Variants in FGF9 observed in about 807,000 individuals in gnomAD.
FGF9 encodes fibroblast growth factor 9 (glia-activating factor).
Under a neutral mutation model 19.9 loss-of-function variants are expected in FGF9, and 3 were observed. The observed-to-expected ratio is 0.15, with a 90% CI of 0.07 to 0.39. FGF9 has a LOEUF of 0.39. Ranked by LOEUF, FGF9 falls within the 10% of genes least tolerant of loss-of-function variation. The pLI is 1.00. For synonymous variants in FGF9, 107 were observed against 106.9 expected (o/e 1.00, Z -0.01); for missense variants, 175 against 256.8 (o/e 0.68, Z 2.18).
intron 1 of FGF9, among the ~76,000 whole-genome samples, chr13:21,678,026 GTTC>G (rs939814274): frequency 1.3e-5 from 2 of 152,124 alleles, no homozygotes; most frequent in African/African-American, 4.8e-5. Flanking sequence ...CTGTTTACGT[GTTC>G]TTCTTCCCAA....
In FGF9 at chr13:21,691,725, G is replaced by A. The variant is rs1165119706; in HGVS notation, c.382-9465G>A. Among the ~76,000 whole-genome samples the A allele has an allele frequency of 2.6e-5, 4 of 152,250 alleles. No homozygotes were observed. The highest frequency in any genetic ancestry group is 3.4e-3 in the Middle Eastern group (1 of 292). On this transcript the variant is annotated intron_variant, in intron 2 of 2. Transcript: ENST00000382353. The surrounding 1 kb of genome is among the most constrained non-coding windows in gnomAD (Gnocchi z 4.2). ...GTGGCCTGGTCGCCTCACCCCTCCC[G>A]ACTCCCCCTCACCAGGGACTGACTT...
At chr13:21,677,157 A>G (rs1297854961) in intron 1 of FGF9, among the ~76,000 whole-genome samples, 1 of 152,118 alleles carries the variant, frequency 6.6e-6, no homozygotes. Flanking sequence ...TGTGCTTCCC[A>G]TGTCACCCTA....
chr13:21,703,713 T>C lies in FGF9; in HGVS notation c.*2278T>C, dbSNP rs1402453824. On this transcript the variant is annotated 3_prime_UTR_variant, in exon 3 of 3. Coordinates refer to ENST00000382353, the MANE Select transcript of FGF9 (RefSeq NM_002010.3). ...TTTCTAGGATGTCATAGGTATACTA[T>C]GTAGCACTGAAAAAATTGATTTTAG... The C allele has an allele frequency of 6.6e-6, 1 of 152,128 alleles. No homozygotes were observed. Among genetic ancestry groups the C allele is most frequent in the Non-Finnish European group, 1.5e-5 (1 of 68,022 alleles). The allele number at this position is 152,128 out of a possible 1,614,324, so 9.4% of individuals were successfully genotyped here.
At chr13:21,692,413 A>C (rs1327791764) in intron 2 of FGF9, among the ~76,000 whole-genome samples, 1 of 151,174 alleles carries the variant, frequency 6.6e-6, no homozygotes, top group Non-Finnish European at 1.5e-5. Flanking sequence ...CTGCGTTTTG[A>C]TGGGAGACTC....
chr13:21,676,530 A>T (rs538518103), intron 1 of FGF9, among the ~76,000 whole-genome samples: 2 of 152,196 alleles, frequency 1.3e-5, no homozygotes, highest in Admixed American at 6.5e-5. Flanking sequence ...GTCATTTCCT[A>T]TATAAACTCT....
At chr13:21,674,484 C>T (rs1317154886) in intron 1 of FGF9, among the ~76,000 whole-genome samples, 1 of 149,094 alleles carries the variant, frequency 6.7e-6, no homozygotes, top group Non-Finnish European at 1.5e-5. Flanking sequence ...TCCGCTCCGG[C>T]TTCACAACCG....
intron 2 of FGF9, among the ~76,000 whole-genome samples, chr13:21,695,119 A>T (rs1268887866): frequency 2.0e-5 from 3 of 151,210 alleles, no homozygotes; most frequent in African/African-American, 7.3e-5. Context: ...TGTGTGTGAG[A>T]GAGACTAGAT....
intron 2 of FGF9, among the ~76,000 whole-genome samples, chr13:21,683,368 C>A (rs991443581): frequency 6.6e-6 from 1 of 152,156 alleles, no homozygotes. Flanking sequence ...TGTAGACCCA[C>A]GGAGTGCCAG....
intron 2 of FGF9, among the ~76,000 whole-genome samples, chr13:21,684,403 G>GC (rs1872111734): frequency 6.6e-6 from 1 of 152,078 alleles, no homozygotes; most frequent in Non-Finnish European, 1.5e-5. Context: ...ACGCTCATTG[G>GC]GTTGAACTGA....
chr13:21,699,128 A>G (rs1350393369), intron 2 of FGF9, among the ~76,000 whole-genome samples: 1 of 152,212 alleles, frequency 6.6e-6, no homozygotes, highest in Non-Finnish European at 1.5e-5. Context: ...GGGTTGCCCC[A>G]GAAGAGCACC....
At position 21,671,734 on chromosome 13, in the gene FGF9, A is replaced by T. The variant is rs1871771119; in HGVS notation, c.-179A>T. 1.4e-6 allele frequency: 1 copy of T among 691,366 alleles called. No individual in the cohort carries two copies. The highest frequency in any genetic ancestry group is 1.8e-5 in the African/African-American group (1 of 56,054). 42.8% of individuals were successfully genotyped at this position (691,366 alleles called of 1,614,324 possible). On this transcript the variant is annotated 5_prime_UTR_variant, in exon 1 of 3. Coordinates refer to ENST00000382353, the MANE Select transcript of FGF9 (RefSeq NM_002010.3). The stretch of plus-strand genomic sequence containing the variant: ...AGTGGTTTGACCTTGAACCTGTGCC[A>T]GTGAAACAGCAGATTACTTTTATTT...
At chr13:21,677,801 G>A (rs894422448) in intron 1 of FGF9, among the ~76,000 whole-genome samples, 7 of 152,218 alleles carry the variant, frequency 4.6e-5, no homozygotes, top group Non-Finnish European at 1.5e-5. Context: ...GGAGAAATGG[G>A]TGGTGGTTTG....
At chr13:21,687,587 G>C (rs1008389132) in intron 2 of FGF9, among the ~76,000 whole-genome samples, 1 of 152,214 alleles carries the variant, frequency 6.6e-6, no homozygotes, top group Non-Finnish European at 1.5e-5. Flanking sequence ...GGCGCTTGGT[G>C]CAGCTTCCTG....
chr13:21,700,916 A>G (rs1872523938), intron 2 of FGF9, among the ~76,000 whole-genome samples: 1 of 152,262 alleles, frequency 6.6e-6, no homozygotes, highest in Non-Finnish European at 1.5e-5. Flanking sequence ...GGGCTAAAAC[A>G]TCAGTGTTTT....
intron 2 of FGF9, among the ~76,000 whole-genome samples, chr13:21,697,703 C>T (rs568549648): frequency 3.9e-5 from 6 of 152,188 alleles, no homozygotes; most frequent in East Asian, 1.9e-4. Flanking sequence ...TCTACCACTG[C>T]GGAATTTTGT....
Position 21,701,531 on chromosome 13 carries a change from C to T in FGF9, c.*96C>T. Reference sequence around the variant, plus strand: ...TTGATTCGCTGTGTCATCACATCAGCTCCACTGTTGCCAAACTTTGTCGCA... The same window carrying T: ...TTGATTCGCTGTGTCATCACATCAGTTCCACTGTTGCCAAACTTTGTCGCA... On this transcript the variant is annotated 3_prime_UTR_variant, in exon 3 of 3. Coordinates refer to ENST00000382353, the MANE Select transcript of FGF9 (RefSeq NM_002010.3). The T allele has an allele frequency of 6.4e-7, 1 of 1,555,336 alleles. No homozygotes were observed. The highest frequency in any genetic ancestry group is 8.9e-7 in the Non-Finnish European group (1 of 1,128,862).
chr13:21,673,793 T>C (rs1347430965), intron 1 of FGF9, among the ~76,000 whole-genome samples: 1 of 150,780 alleles, frequency 6.6e-6, no homozygotes, highest in African/African-American at 2.4e-5. Context: ...GCGGCCGGCC[T>C]AGGTGTGCCA....
chr13:21,673,360 GAGGAGGACTT>G (rs1487873782), intron 1 of FGF9, among the ~76,000 whole-genome samples: 1 of 152,152 alleles, frequency 6.6e-6, no homozygotes, highest in African/African-American at 2.4e-5. Context: ...GCCAGAAGGT[GAGGAGGACTT>G]AGGCCTGGGC....
intron 2 of FGF9, among the ~76,000 whole-genome samples, chr13:21,699,646 A>G (rs1407349025): frequency 1.3e-5 from 2 of 152,136 alleles, no homozygotes; most frequent in Non-Finnish European, 2.9e-5. Flanking sequence ...TACCCAACTG[A>G]TATCTGTGAA....
Sources: gnomAD v4.1 joint callset for allele counts (sites outside exome capture counted in the v4.1 genomes callset) on GRCh38, gnomAD v4.1.1 for gene constraint, Gnocchi (gnomAD v3.1) non-coding constraint, MANE v1.5 for transcripts, NCBI Gene and HGNC (gene_info 2026-07-23, HGNC 2026-07-21) for gene names.